RRN3: variants seen among roughly 807,000 people sequenced by gnomAD.
The protein encoded by RRN3 is RNA polymerase I-specific transcription initiation factor RRN3.
In RRN3, 38 loss-of-function variants were observed where a neutral mutation model predicts 82.3. That is an observed-to-expected ratio of 0.46 (90% CI 0.36 to 0.61). The LOEUF (loss-of-function observed/expected upper bound fraction) is 0.61. Ranked by LOEUF, RRN3 falls within the 20% of genes least tolerant of loss-of-function variation. RRN3 has a pLI of 0.00. For synonymous variants in RRN3, 284 were observed against 284.3 expected (o/e 1.00, Z 0.01); for missense variants, 726 against 793.1 (o/e 0.92, Z 1.02).
intron 17 of RRN3, 107 bp from the exon 18 acceptor site, chr16:15,062,012 A>C (rs1309993091): frequency 1.8e-6 from 2 of 1,127,360 alleles, no homozygotes; most frequent in African/African-American, 3.1e-5. Context: ...TGGTGAAGAA[A>C]ATATCTTAAT....
chr16:15,088,418 G>C (rs1442199190), intron 3 of RRN3, among the ~76,000 whole-genome samples: 5 of 152,066 alleles, frequency 3.3e-5, no homozygotes, highest in African/African-American at 1.2e-4. Flanking sequence ...AGTGAGCCAT[G>C]ATCGGGCCCA....
At chr16:15,080,915 T>C (rs898463520) in intron 8 of RRN3, among the ~76,000 whole-genome samples, 7 of 151,992 alleles carry the variant, frequency 4.6e-5, no homozygotes, top group Admixed American at 3.3e-4. Flanking sequence ...TCCTCTCATA[T>C]CAATGGAGTC....
intron 9 of RRN3, among the ~76,000 whole-genome samples, chr16:15,079,171 A>AC (rs111707572): frequency 0.65 from 98,299 of 151,480 alleles, 33,747 homozygotes; most frequent in Non-Finnish European, 0.75. Context: ...ACAGGGAGCA[A>AC]AGTTGAAGGA....
chr16:15,065,312 G>A lies in RRN3; in HGVS notation c.1613C>T (p.Pro538Leu). The A allele has an allele frequency of 6.2e-7, 1 of 1,613,722 alleles. No individual in the cohort carries two copies. Among genetic ancestry groups the A allele is most frequent in the Non-Finnish European group, 8.5e-7 (1 of 1,179,688 alleles). Residue 538 changes from proline to leucine, a missense_variant, in exon 16 of 18, where the codon CCA becomes CTA. Pro to Leu is a moderately conservative substitution (Grantham distance 98, BLOSUM62 -3). Around this residue, in one of 4 missense-constraint regions of RRN3, gnomAD observed 166 missense variants for 154.8 expected, o/e 1.07. Transcript: ENST00000198767. Reference protein sequence around the residue: ...IIERNNRQMLPVIRSTAGGDS... With the variant: ...IIERNNRQMLLVIRSTAGGDS... Reference sequence around the variant, plus strand: ...TCCTCCAGCGGTACTCCTAATGACTGGCAGCATCTGGCGATTGTTCCTCTC... The same window carrying A: ...TCCTCCAGCGGTACTCCTAATGACTAGCAGCATCTGGCGATTGTTCCTCTC...
At chr16:15,080,197 T>G in intron 8 of RRN3, 101 bp from the exon 9 acceptor site, 3 of 1,427,082 alleles carry the variant, frequency 2.1e-6, no homozygotes, top group South Asian at 3.0e-5. Flanking sequence ...TTCAAATATT[T>G]AAAAAGAAAA....
intron 8 of RRN3, among the ~76,000 whole-genome samples, chr16:15,082,436 G>A (rs2045746281): frequency 6.6e-6 from 1 of 152,090 alleles, no homozygotes; most frequent in Admixed American, 6.6e-5. Context: ...ACTTTGCGAG[G>A]TGGAGACGGG....
Position 15,076,636 on chromosome 16 carries a change from C to T in RRN3, c.780G>A (p.Arg260=). 1 of 1,609,248 alleles carries T rather than the reference C, an allele frequency of 6.2e-7. No homozygotes were observed. The highest frequency in any genetic ancestry group is 1.7e-4 in the Middle Eastern group (1 of 6,050). ...TTTCTTCAGCATCTTCAATACCCTG[C>T]CGGGATGCATTCACCTATAACAAAG... ...KLLKLDVNAS[R]QGIEDAEETA... is the part of the protein sequence containing the mutation. Residue 260 remains arginine, a synonymous_variant, in exon 10 of 18, where the codon CGG becomes CGA. Transcript: ENST00000198767.
chr16:15,092,281 G>T lies in RRN3; in HGVS notation c.195+228C>A, dbSNP rs555138160. On this transcript the variant is annotated intron_variant, in intron 2 of 17. Transcript: ENST00000198767. Reference sequence around the variant, plus strand: ...AAGCATTTGAAGAGGTGAAACCTCAGTAAAGACATTATTACTCTCTCATTA... The same window carrying T: ...AAGCATTTGAAGAGGTGAAACCTCATTAAAGACATTATTACTCTCTCATTA... Among the ~76,000 whole-genome samples, 4 of 152,322 alleles carry T rather than the reference G, an allele frequency of 2.6e-5. No homozygotes were observed. The South Asian group carries it at 8.3e-4, about 32-fold the overall frequency.
chr16:15,064,651 A>G (rs2044878173), intron 16 of RRN3, among the ~76,000 whole-genome samples: 1 of 152,228 alleles, frequency 6.6e-6, no homozygotes, highest in Non-Finnish European at 1.5e-5. Flanking sequence ...AAAACAAAAA[A>G]CAAAAAACCC....
chr16:15,075,250 C>CA (rs56913254), intron 10 of RRN3, among the ~76,000 whole-genome samples: 1,899 of 67,836 alleles, frequency 0.028, 17 homozygotes, highest in African/African-American at 0.042. Flanking sequence ...TGTGCCCCAC[C>CA]AAAAAAAAAA....
At chr16:15,068,424 T>C (rs999969068) in intron 14 of RRN3, 147 bp from the exon 15 acceptor site, 11 of 988,068 alleles carry the variant, frequency 1.1e-5, no homozygotes, top group African/African-American at 6.6e-5. Flanking sequence ...TCCATGCAGA[T>C]AGTCACACAG....
chr16:15,062,238 C>A (rs1202608702), intron 17 of RRN3, among the ~76,000 whole-genome samples: 1 of 152,166 alleles, frequency 6.6e-6, no homozygotes, highest in African/African-American at 2.4e-5. Flanking sequence ...ACATTGTAAT[C>A]ATTTGTTTCA....
rs1217725116 is a variant in RRN3 at position 15,083,590 on chromosome 16, T to TA, written c.597-9dup. 6 of 1,595,374 alleles carry TA rather than the reference T, an allele frequency of 3.8e-6. No individual in the cohort carries two copies. In the African/African-American group the frequency reaches 8.1e-5, roughly 22 times the overall value. On this transcript the variant is annotated splice_polypyrimidine_tract_variant and intron_variant, in intron 7 of 17. Coordinates refer to ENST00000198767, the MANE Select transcript of RRN3 (RefSeq NM_018427.5). The stretch of plus-strand genomic sequence containing the variant: ...ATGAGAAACCACGGTGTCCTATTTT[T>TA]AAAAAATTAAATCAATCCATGTTAA...
Position 15,086,445 on chromosome 16 carries a change from T to A in RRN3, c.262A>T (p.Ile88Phe). The A allele has an allele frequency of 1.2e-6, 2 of 1,612,238 alleles. No homozygotes were observed. The highest frequency in any genetic ancestry group is 1.7e-6 in the Non-Finnish European group (2 of 1,179,458). Residue 88 changes from isoleucine to phenylalanine, a missense_variant, in exon 4 of 18, where the codon ATC becomes TTC. Physicochemically the swap from Ile to Phe is conservative, Grantham distance 21 (BLOSUM62 0). This residue lies in a region of RRN3 where 344 missense variants were observed against 394.5 expected (regional missense o/e 0.87). Coordinates refer to ENST00000198767, the MANE Select transcript of RRN3 (RefSeq NM_018427.5). ...CGGAATTCTAGCAGCCAGTTGATGA[T>A]CTGGTCATCCTTAAGTTAAACAAAG... is the stretch of plus-strand genomic sequence containing the variant. Reference protein sequence around the residue: ...LLDPDIKDDQIINWLLEFRSS... With the variant: ...LLDPDIKDDQFINWLLEFRSS...
intron 17 of RRN3, 79 bp from the exon 18 acceptor site, chr16:15,061,984 T>A: frequency 3.0e-6 from 4 of 1,335,836 alleles, no homozygotes; most frequent in Non-Finnish European, 4.2e-6. Flanking sequence ...CTCAGGAAGG[T>A]GTTAACGTTT....
intron 10 of RRN3, among the ~76,000 whole-genome samples, chr16:15,075,250 CAAAA>C (rs56913254): frequency 5.9e-5 from 4 of 68,042 alleles, no homozygotes; most frequent in Admixed American, 1.7e-4. Context: ...TGTGCCCCAC[CAAAA>C]AAAAAAAAAA....
At chr16:15,063,035 G>T (rs1328284905) in intron 17 of RRN3, among the ~76,000 whole-genome samples, 161 bp downstream of exon 17, 1 of 152,144 alleles carries the variant, frequency 6.6e-6, no homozygotes, top group Non-Finnish European at 1.5e-5. Flanking sequence ...GTAGAAACAG[G>T]GTGTCACTGT....
Position 15,080,042 on chromosome 16 carries a change from G to C in RRN3, c.721C>G (p.His241Asp). The C allele has an allele frequency of 6.2e-7, 1 of 1,601,642 alleles. No homozygotes were observed. The highest frequency in any genetic ancestry group is 1.7e-4 in the Middle Eastern group (1 of 6,030). ...TCAATAATAAGCTCCAGAATTTCAT[G>C]CCTCAAGGTTGGAAAATATACACTA... ...RISVYFPTLRHEILELIIEKL... is the reference protein window; with the variant it reads ...RISVYFPTLRDEILELIIEKL... The change falls in exon 9 of 18, where the codon CAT becomes GAT. Residue 241 changes from histidine to aspartate, a missense_variant. By Grantham distance (81) the His-to-Asp change is moderately conservative. Coordinates refer to ENST00000198767, the MANE Select transcript of RRN3 (RefSeq NM_018427.5).
chr16:15,072,998 G>A lies in RRN3; in HGVS notation c.1080C>T (p.Ala360=). ...ACATGAAAAACTGTACATGGCAGGA[G>A]GCATGGGTGGGCAACAGGAGTTTGT... ...IFDKLLLPTH[A]SCHVQFFMFY... The change falls in exon 12 of 18, where the codon GCC becomes GCT. Residue 360 remains alanine (A), a synonymous_variant. Coordinates refer to ENST00000198767, the MANE Select transcript of RRN3 (RefSeq NM_018427.5). 5.6e-6 allele frequency: 9 copies of A among 1,613,706 alleles called. No homozygotes were observed. The highest frequency in any genetic ancestry group is 7.6e-6 in the Non-Finnish European group (9 of 1,179,856).
Sources: gnomAD v4.1 joint callset for allele counts (sites outside exome capture counted in the v4.1 genomes callset) on GRCh38, gnomAD v4.1.1 for gene constraint, gnomAD v4.1.1 regional missense constraint, MANE v1.5 for transcripts, NCBI Gene and HGNC (gene_info 2026-07-23, HGNC 2026-07-21) for gene names.